The following ATP2B1 variants were observed in gnomAD, a reference collection of about 807,000 sequenced individuals.
ATP2B1 encodes ATPase plasma membrane Ca2+ transporting 1, also known as plasma membrane calcium-transporting ATPase 1.
Under a neutral mutation model 124.2 loss-of-function variants are expected in ATP2B1, and 14 were observed. The observed-to-expected ratio is 0.11, with a 90% CI of 0.07 to 0.18. The LOEUF (loss-of-function observed/expected upper bound fraction) is 0.18. ATP2B1 is among the 10% of genes least tolerant of loss of function. The probability of loss-of-function intolerance (pLI) is 1.00; values close to 1 mark genes in which losing one functional copy is unlikely to be tolerated. For missense variants in ATP2B1, 763 were observed against 1,466.1 expected (o/e 0.52, Z 7.83); for synonymous variants, 449 against 492.4 (o/e 0.91, Z 1.17).
intron 3 of ATP2B1, among the ~76,000 whole-genome samples, chr12:89,637,681 G>A (rs1882913793): frequency 2.0e-5 from 3 of 152,130 alleles, no homozygotes; most frequent in Admixed American, 2.0e-4. Flanking sequence ...TTACAGGCAT[G>A]AGCCACTGTG....
At chr12:89,676,743 C>A (rs1401984) in intron 1 of ATP2B1, among the ~76,000 whole-genome samples, 139,275 of 152,164 alleles carry the variant, frequency 0.92, 64,214 homozygotes, top group East Asian at 0.99. Context: ...ATAGATACAG[C>A]TTATTCATTT....
At chr12:89,629,059 A>T (rs1437470687) in intron 6 of ATP2B1, among the ~76,000 whole-genome samples, 2 of 152,196 alleles carry the variant, frequency 1.3e-5, no homozygotes, top group Non-Finnish European at 2.9e-5. Flanking sequence ...AATGTTCTAG[A>T]CTAGATTAAT....
chr12:89,685,234 T>C (rs1419341564), intron 1 of ATP2B1, among the ~76,000 whole-genome samples: 3 of 152,102 alleles, frequency 2.0e-5, no homozygotes, highest in Admixed American at 1.3e-4. Flanking sequence ...TCATTTTTCC[T>C]CTTGTAACAG....
chr12:89,684,155 C>T (rs530488853), intron 1 of ATP2B1, among the ~76,000 whole-genome samples: 58 of 152,008 alleles, frequency 3.8e-4, no homozygotes, highest in Non-Finnish European at 7.9e-4. Flanking sequence ...AAAAGAAACA[C>T]AGAAATAATA....
intron 2 of ATP2B1, among the ~76,000 whole-genome samples, chr12:89,648,675 A>G (rs1246350953): frequency 6.6e-6 from 1 of 152,282 alleles, no homozygotes; most frequent in Non-Finnish European, 1.5e-5. Flanking sequence ...AGAGATTAGC[A>G]TGACTAAAAG....
At chr12:89,695,037 G>C in intron 1 of ATP2B1, among the ~76,000 whole-genome samples, 1 of 122,680 alleles carries the variant, frequency 8.2e-6, no homozygotes, top group Admixed American at 9.8e-5. Context: ...CAGCCTGGGC[G>C]ACAAGAGCAA....
intron 3 of ATP2B1, chr12:89,641,905 G>T (rs1173228978): frequency 4.5e-6 from 2 of 442,424 alleles, no homozygotes; most frequent in East Asian, 8.4e-5. Flanking sequence ...GCATAGGTCT[G>T]TGCCAGACAC....
intron 1 of ATP2B1, among the ~76,000 whole-genome samples, chr12:89,698,120 A>C (rs1176928666): frequency 6.6e-6 from 1 of 151,992 alleles, no homozygotes; most frequent in African/African-American, 2.4e-5. Flanking sequence ...ATCCACTCAT[A>C]TCTTTTATCA....
intron 2 of ATP2B1, among the ~76,000 whole-genome samples, chr12:89,649,983 T>C (rs889427771): frequency 6.6e-6 from 1 of 152,190 alleles, no homozygotes; most frequent in Non-Finnish European, 1.5e-5. Flanking sequence ...CCTTCTGCCA[T>C]GAGTAAAATC....
At chr12:89,688,124 C>A (rs910089400) in intron 1 of ATP2B1, among the ~76,000 whole-genome samples, 1 of 151,986 alleles carries the variant, frequency 6.6e-6, no homozygotes, top group African/African-American at 2.4e-5. Context: ...CATTCCACAC[C>A]AAGGCTCTCA....
At chr12:89,648,650 G>A (rs574867204) in intron 2 of ATP2B1, among the ~76,000 whole-genome samples, 1 of 152,346 alleles carries the variant, frequency 6.6e-6, no homozygotes, top group African/African-American at 2.4e-5. Flanking sequence ...GGGCTGTGGT[G>A]CAATCACTTT....
In ATP2B1 at chr12:89,620,174, G is replaced by A; in HGVS notation, c.1654C>T (p.Leu552Phe). ...GNKTECALLG[L>F]LLDLKRDYQD... ...TAATCCCGTTTTAAATCCAAAAGAA[G>A]TCCCAACAAGGCACATTCAGTTTTA... Residue 552 changes from leucine to phenylalanine, a missense_variant, in exon 11 of 21, where the codon CTT becomes TTT. By Grantham distance (22) the Leu-to-Phe change is conservative. Around this residue, in one of 7 missense-constraint regions of ATP2B1, gnomAD observed 392 missense variants for 776.6 expected, o/e 0.50. Transcript: ENST00000428670. The A allele has an allele frequency of 1.2e-6, 2 of 1,614,040 alleles. No homozygotes were observed. Among genetic ancestry groups the A allele is most frequent in the Non-Finnish European group, 1.7e-6 (2 of 1,179,974 alleles).
At chr12:89,629,975 T>C (rs1810634272) in intron 6 of ATP2B1, among the ~76,000 whole-genome samples, 1 of 152,178 alleles carries the variant, frequency 6.6e-6, no homozygotes, top group Non-Finnish European at 1.5e-5. Flanking sequence ...AACAGAACAC[T>C]TGGAGGGACA....
intron 15 of ATP2B1, among the ~76,000 whole-genome samples, chr12:89,608,800 G>A (rs1156871201): frequency 1.3e-5 from 2 of 152,204 alleles, no homozygotes; most frequent in African/African-American, 2.4e-5. Flanking sequence ...TAAAGGGAAT[G>A]AGCCTGTTTG....
chr12:89,695,058 CA>C (rs544087541), intron 1 of ATP2B1, among the ~76,000 whole-genome samples: 1,246 of 111,200 alleles, frequency 0.011, 36 homozygotes, highest in Non-Finnish European at 0.015. Flanking sequence ...GATGCTGTTT[CA>C]AAAAAAAAAA....
chr12:89,691,393 A>G (rs890214796), intron 1 of ATP2B1, among the ~76,000 whole-genome samples: 1 of 152,146 alleles, frequency 6.6e-6, no homozygotes, highest in Non-Finnish European at 1.5e-5. Flanking sequence ...TGTTATTAGT[A>G]TGATACTCAA....
At chr12:89,651,306 C>T (rs182145899) in intron 2 of ATP2B1, among the ~76,000 whole-genome samples, 63 of 152,296 alleles carry the variant, frequency 4.1e-4, no homozygotes, top group African/African-American at 1.5e-3. Flanking sequence ...GGGTCTCACT[C>T]TTTTGTGGGA....
intron 1 of ATP2B1, among the ~76,000 whole-genome samples, chr12:89,666,641 C>T (rs1344092841): frequency 6.6e-6 from 1 of 152,166 alleles, no homozygotes; most frequent in Non-Finnish European, 1.5e-5. Context: ...GGTTAATTAG[C>T]TACCCCTGAA....
Position 89,653,544 on chromosome 12 carries a change from G to A in ATP2B1, c.208+2135C>T, listed in dbSNP as rs1398246729. Among the ~76,000 whole-genome samples, 8 of 151,812 alleles carry A rather than the reference G, an allele frequency of 5.3e-5. No homozygotes were observed. In the South Asian group the frequency reaches 8.3e-4, roughly 16 times the overall value. ...GATCTCCTGACCTCATGATCCACCC[G>A]CCTCGGCCTCCCAAAGTGCTGGGAT... On this transcript the variant is annotated intron_variant, in intron 2 of 20. Coordinates refer to ENST00000428670, the MANE Select transcript of ATP2B1 (RefSeq NM_001366521.1).
Sources: allele counts gnomAD v4.1 joint callset (sites outside exome capture counted in the v4.1 genomes callset), GRCh38; gene constraint gnomAD v4.1.1; regional missense constraint gnomAD v4.1.1; transcripts MANE v1.5; gene names NCBI Gene and HGNC (gene_info 2026-07-23, HGNC 2026-07-21).